Variants in PLCH2 observed in about 807,000 individuals in gnomAD.
PLCH2 encodes phospholipase C eta 2.
In PLCH2, 98 loss-of-function variants were observed where a neutral mutation model predicts 134.7. The observed-to-expected ratio is 0.73, with a 90% CI of 0.62 to 0.86. PLCH2 has a LOEUF of 0.86. Ranked by LOEUF, PLCH2 falls within the 40% of genes least tolerant of loss-of-function variation. The pLI, the probability that PLCH2 is intolerant of heterozygous loss-of-function variation, is 0.00. For synonymous variants in PLCH2, 974 were observed against 827.5 expected (o/e 1.18, Z -3.04); for missense variants, 1,994 against 1,986.6 (o/e 1.00, Z -0.07).
intron 2 of PLCH2, among the ~76,000 whole-genome samples, chr1:2,443,257 T>C (rs1230159546): frequency 6.6e-6 from 1 of 152,178 alleles, no homozygotes; most frequent in Admixed American, 6.5e-5. Context: ...GGTCTGCATG[T>C]GCCCCTGACA....
chr1:2,502,274 A>G lies in PLCH2; in HGVS notation c.2824A>G (p.Arg942Gly). The change falls in exon 21 of 22, where the codon AGG becomes GGG. Residue 942 changes from arginine (R) to glycine (G), a missense_variant. Physicochemically the swap from Arg to Gly is moderately radical, Grantham distance 125. Transcript: ENST00000378486. ...GACCAAGAGCCAGAAGCCGGGCCGCAGGGGCTTCCCGGAGCTGGTCCTGGG... is the reference window on the plus strand; with the variant it reads ...GACCAAGAGCCAGAAGCCGGGCCGCGGGGGCTTCCCGGAGCTGGTCCTGGG... ...APTKSQKPGRRGFPELVLGTR... is the reference protein window; with the variant it reads ...APTKSQKPGRGGFPELVLGTR... 6.5e-7 allele frequency: 1 copy of G among 1,539,742 alleles called. No individual in the cohort carries two copies. Among genetic ancestry groups the G allele is most frequent in the Non-Finnish European group, 8.7e-7 (1 of 1,143,864 alleles).
chr1:2,435,982 CCTT>C (rs1639314166), intron 2 of PLCH2, among the ~76,000 whole-genome samples: 1 of 137,318 alleles, frequency 7.3e-6, no homozygotes, highest in Non-Finnish European at 1.6e-5. Context: ...TTCCCTCCTC[CCTT>C]CTCCCCTCCT....
intron 1 of PLCH2, among the ~76,000 whole-genome samples, chr1:2,428,806 G>C (rs556297744): frequency 6.6e-6 from 1 of 152,260 alleles, no homozygotes; most frequent in Admixed American, 6.5e-5. Context: ...CGGGGAACCC[G>C]GGCTGGGAGA....
chr1:2,448,062 C>T lies in PLCH2; in HGVS notation c.115+17433C>T, dbSNP rs12406068. ...GCTGCTGTGGTCCTTTTTCCCTGGT[C>T]GTGGCCTCCAGGCAGCCAAACCCAG... On this transcript the variant is annotated intron_variant, in intron 2 of 3. Transcript: ENST00000609981. This position sits in a 1 kb window ranked among gnomAD's most constrained non-coding sequence, Gnocchi z 4.0. 2.0e-5 allele frequency among the ~76,000 whole-genome samples: 3 copies of T among 151,970 alleles called. No homozygotes were observed. Among genetic ancestry groups the T allele is most frequent in the Non-Finnish European group, 2.9e-5 (2 of 67,970 alleles).
intron 1 of PLCH2, among the ~76,000 whole-genome samples, chr1:2,469,287 G>T (rs1260366309): frequency 1.3e-5 from 2 of 152,246 alleles, no homozygotes; most frequent in Non-Finnish European, 2.9e-5. Flanking sequence ...CACACTTGGG[G>T]TCTGCAGCTG....
intron 2 of PLCH2, among the ~76,000 whole-genome samples, chr1:2,452,839 A>C (rs1640310772): frequency 6.6e-6 from 1 of 152,188 alleles, no homozygotes; most frequent in African/African-American, 2.4e-5. Context: ...CAGCAAGTAC[A>C]CAACAAAGGC....
At chr1:2,455,966 T>C (rs1245404966) in intron 2 of PLCH2, among the ~76,000 whole-genome samples, 1 of 152,272 alleles carries the variant, frequency 6.6e-6, no homozygotes, top group Non-Finnish European at 1.5e-5. Context: ...TTTGCAGCTG[T>C]GTTTGACTCA....
upstream of PLCH2, among the ~76,000 whole-genome samples, chr1:2,467,078 G>T (rs948154126): frequency 6.6e-6 from 1 of 152,150 alleles, no homozygotes; most frequent in South Asian, 2.1e-4. Context: ...GGGGCCTGGG[G>T]TGTAATGACC....
intron 1 of PLCH2, among the ~76,000 whole-genome samples, chr1:2,428,530 G>A (rs1215862969): frequency 3.3e-5 from 5 of 152,254 alleles, no homozygotes; most frequent in African/African-American, 7.2e-5. Context: ...CCACGCCAAC[G>A]GCTGACCTCA....
At chr1:2,461,962 G>A (rs1038682029) in intron 2 of PLCH2, among the ~76,000 whole-genome samples, 17 of 151,922 alleles carry the variant, frequency 1.1e-4, no homozygotes, top group African/African-American at 4.1e-4. Context: ...ACTTTCTTGG[G>A]GCTGCCTCCC....
At chr1:2,449,486 C>G (rs890780550) in intron 2 of PLCH2, among the ~76,000 whole-genome samples, 9 of 146,510 alleles carry the variant, frequency 6.1e-5, no homozygotes, top group African/African-American at 2.3e-4. Context: ...CATAGTGAGA[C>G]TCTGTCTCAA....
At chr1:2,477,078 C>T (rs377019258) in intron 1 of PLCH2, among the ~76,000 whole-genome samples, 30 of 152,254 alleles carry the variant, frequency 2.0e-4, no homozygotes, top group Non-Finnish European at 2.6e-4. Context: ...ATCCTGGTGC[C>T]GGACATGAGG....
chr1:2,443,595 A>AGCCCCCCCGTGC (rs1553240679), intron 2 of PLCH2, among the ~76,000 whole-genome samples: 1 of 150,280 alleles, frequency 6.7e-6, no homozygotes, highest in Non-Finnish European at 1.5e-5. Context: ...CGGGCCGGCT[A>AGCCCCCCCGTGC]GCCCCGCGCC....
rs1639853165 is a variant in PLCH2, at chr1:2,444,598, A to G, written c.115+13969A>G. On this transcript the variant is annotated intron_variant, in intron 2 of 3. Coordinates refer to the PLCH2 transcript ENST00000609981. This position sits in a 1 kb window ranked among gnomAD's most constrained non-coding sequence, Gnocchi z 4.6. ...GGACCTGCCGGCAGAGCTACAGGGT[A>G]TTCTTTAGGGAGATGGGCTCTGCTG... 6.6e-6 allele frequency among the ~76,000 whole-genome samples: 1 copy of G among 152,014 alleles called. No individual in the cohort carries two copies. Among genetic ancestry groups the G allele is most frequent in the Non-Finnish European group, 1.5e-5 (1 of 67,982 alleles).
intron 2 of PLCH2, among the ~76,000 whole-genome samples, chr1:2,459,500 C>CCTTGCCGGTGGT: frequency 1.2e-5 from 1 of 82,912 alleles, no homozygotes; most frequent in Admixed American, 1.2e-4. Flanking sequence ...TGGTGGTCCT[C>CCTTGCCGGTGGT]CTTCCTGGTG....
intron 2 of PLCH2, among the ~76,000 whole-genome samples, chr1:2,459,055 G>A (rs927275954): frequency 6.6e-5 from 10 of 152,212 alleles, no homozygotes; most frequent in African/African-American, 9.6e-5. Flanking sequence ...ACTCAGCCCC[G>A]AATCCTGCTC....
chr1:2,450,694 GC>G (rs1214802826), intron 2 of PLCH2, among the ~76,000 whole-genome samples: 4 of 18,704 alleles, frequency 2.1e-4, no homozygotes, highest in Non-Finnish European at 2.9e-4. Context: ...CTCCCCGCCT[GC>G]CCCCCCGCTC....
chr1:2,419,546 C>T, the PLCH2 span, among the ~76,000 whole-genome samples: 8 of 152,236 alleles, frequency 5.3e-5, no homozygotes, highest in Non-Finnish European at 1.0e-4. Flanking sequence ...GCAGGGTCTC[C>T]CCTGGGGATG....
At chr1:2,476,999 G>A (rs1001527001) in intron 1 of PLCH2, among the ~76,000 whole-genome samples, 1 of 152,202 alleles carries the variant, frequency 6.6e-6, no homozygotes. Flanking sequence ...TGGCTCCAAT[G>A]CTCTCATTGA....
Sources: gnomAD v4.1 joint callset for allele counts (sites outside exome capture counted in the v4.1 genomes callset) on GRCh38, gnomAD v4.1.1 for gene constraint, Gnocchi (gnomAD v3.1) non-coding constraint, MANE v1.5 for transcripts, NCBI Gene and HGNC (gene_info 2026-07-23, HGNC 2026-07-21) for gene names.